Variants in SPTA1 observed in about 807,000 individuals in gnomAD.
SPTA1 encodes the protein spectrin alpha, erythrocytic 1.
In SPTA1, 177 loss-of-function variants were observed where a neutral mutation model predicts 324.7. That is an observed-to-expected ratio of 0.55 (90% confidence interval 0.48 to 0.62). The LOEUF is 0.62. Among genes scored for constraint, SPTA1 ranks in the 20% least tolerant of loss-of-function variants. The probability of loss-of-function intolerance (pLI) is 0.00; values close to 1 mark genes in which losing one functional copy is unlikely to be tolerated. For synonymous variants in SPTA1, 1,195 were observed against 1,041.3 expected, an observed-to-expected ratio of 1.15 and a Z score of -2.84; for missense variants, 3,162 against 2,883.6, an observed-to-expected ratio of 1.10 and a Z score of -2.21.
At chr1:158,618,676 C>T (rs376415314) in intron 45 of SPTA1, among the ~76,000 whole-genome samples, 1 of 152,184 alleles carries the variant, frequency 6.6e-6, no homozygotes, top group South Asian at 2.1e-4. Context: ...ACTTGATTCT[C>T]ATTAGAACTT....
chr1:158,643,528 C>T (rs753515686), intron 30 of SPTA1, 103 bp from the exon 31 acceptor site: 20 of 1,128,744 alleles, frequency 1.8e-5, no homozygotes, highest in Non-Finnish European at 2.4e-5. Flanking sequence ...TTTGTGGATT[C>T]AGAAGATATA....
At position 158,613,821 on chromosome 1, in the gene SPTA1, G is replaced by T. The variant is rs375016862; in HGVS notation, c.6889C>A (p.Arg2297=). 4 of 1,613,838 alleles carry T rather than the reference G, an allele frequency of 2.5e-6. No homozygotes were observed. In the East Asian group the frequency reaches 8.9e-5, roughly 36 times the overall value. ...LTGRLTHKEF[R]SCLRGLNYYL... ...TAATTGAGTCCTCTCAGGCAGGACC[G>T]GAACTCTTTGTGAGTCAGGCGCCCT... The change falls in exon 50 of 52, where the codon CGG becomes AGG. Residue 2297 remains arginine, a synonymous_variant. Transcript: ENST00000643759.
chr1:158,611,171 C>T lies in SPTA1; in HGVS notation c.*93G>A, dbSNP rs929301791. Reference sequence around the variant, plus strand: ...CACACACACACACACACACACGAGGCCATCTTTATCTTCCACATTTGCCTG... The same window carrying T: ...CACACACACACACACACACACGAGGTCATCTTTATCTTCCACATTTGCCTG... On this transcript the variant is annotated 3_prime_UTR_variant, in exon 52 of 52. Coordinates refer to ENST00000643759, the MANE Select transcript of SPTA1 (RefSeq NM_003126.4). The T allele has an allele frequency of 1.8e-6, 2 of 1,126,300 alleles. No individual in the cohort carries two copies. The highest frequency in any genetic ancestry group is 1.3e-6 in the Non-Finnish European group (1 of 783,754). The allele number at this position is 1,126,300 out of a possible 1,614,324, so 69.8% of individuals were successfully genotyped here.
chr1:158,664,030 T>G (rs571410361), intron 16 of SPTA1, among the ~76,000 whole-genome samples: 9 of 136,506 alleles, frequency 6.6e-5, no homozygotes, highest in Non-Finnish European at 9.0e-5. Flanking sequence ...AAGCACATAC[T>G]CACTTCTCCA....
intron 6 of SPTA1, 62 bp from the exon 7 acceptor site, chr1:158,677,896 C>A (rs1654510323): frequency 6.2e-7 from 1 of 1,605,392 alleles, no homozygotes; most frequent in African/African-American, 1.3e-5. Context: ...GCAAACGGTC[C>A]AACAGAACTC....
intron 35 of SPTA1, among the ~76,000 whole-genome samples, chr1:158,638,836 T>G (rs1651307463): frequency 6.6e-6 from 1 of 151,400 alleles, no homozygotes. Flanking sequence ...TAGCCACAGA[T>G]TGATTGATTT....
At chr1:158,616,358 A>G (rs1290403624) in intron 47 of SPTA1, among the ~76,000 whole-genome samples, 1 of 152,032 alleles carries the variant, frequency 6.6e-6, no homozygotes, top group Non-Finnish European at 1.5e-5. Flanking sequence ...TCTTCTATCA[A>G]ACTGTATATT....
chr1:158,620,864 A>G (rs1192025106), intron 43 of SPTA1: 4 of 167,686 alleles, frequency 2.4e-5, no homozygotes, highest in African/African-American at 7.6e-5. Flanking sequence ...AAAAAAAAGC[A>G]TTGAATGAAT....
chr1:158,657,861 G>A (rs1371560256), intron 18 of SPTA1, among the ~76,000 whole-genome samples, 167 bp from the exon 19 acceptor site: 1 of 152,202 alleles, frequency 6.6e-6, no homozygotes, highest in Admixed American at 6.5e-5. Context: ...TCCTAAGTGA[G>A]ATTAAGTAAC....
Position 158,620,238 on chromosome 1 carries a change from T to A in SPTA1, c.6349A>T (p.Ser2117Cys). 6.2e-7 allele frequency: 1 copy of A among 1,614,174 alleles called. No homozygotes were observed. The highest frequency in any genetic ancestry group is 2.2e-5 in the East Asian group (1 of 44,876). The change falls in exon 44 of 52, where the codon AGC (serine) becomes TGC (cysteine). Residue 2117 changes from serine (S) to cysteine (C), a missense_variant. Physicochemically the swap from Ser to Cys is moderately radical, Grantham distance 112 (BLOSUM62 -1). Coordinates refer to ENST00000643759, the MANE Select transcript of SPTA1 (RefSeq NM_003126.4). The part of the protein sequence containing the change: ...QQIKALGVPS[S>C]PYTWLTVEVL... ...TCCACTGTTAACCAGGTATAAGGGC[T>A]GGAAGGCACACCTAAGGCCTTAATC...
intron 39 of SPTA1, among the ~76,000 whole-genome samples, chr1:158,632,961 T>C (rs1650788692): frequency 6.6e-6 from 1 of 152,196 alleles, no homozygotes; most frequent in Non-Finnish European, 1.5e-5. Context: ...TCGACTGTGA[T>C]ATTCTTATAC....
chr1:158,614,235 CTA>C lies in SPTA1; in HGVS notation c.6842+16_6842+17del, dbSNP rs763083900. The stretch of plus-strand genomic sequence containing the variant: ...ATCTGAAAAACAAAGAAGCAGTTAA[CTA>C]TGAAATTATACTCACTTATAGATTG... On this transcript the variant is annotated intron_variant, in intron 49 of 51. Transcript: ENST00000643759. The C allele has an allele frequency of 1.9e-6, 3 of 1,542,490 alleles. No individual in the cohort carries two copies. The highest frequency in any genetic ancestry group is 2.7e-6 in the Non-Finnish European group (3 of 1,115,738).
At chr1:158,675,348 T>C (rs1370982793) in intron 8 of SPTA1, among the ~76,000 whole-genome samples, 2 of 152,170 alleles carry the variant, frequency 1.3e-5, no homozygotes, top group African/African-American at 4.8e-5. Context: ...CAGTTCCTTA[T>C]CTAGAGTCAG....
chr1:158,639,344 T>TTTCCCAGG, intron 35 of SPTA1: 1 of 556,070 alleles, frequency 1.8e-6, no homozygotes, highest in Admixed American at 3.1e-5. Context: ...AAAAAGATAG[T>TTTCCCAGG]TTCCCAGGTC....
intron 49 of SPTA1, 124 bp from the exon 50 acceptor site, chr1:158,613,991 G>C (rs954134420): frequency 1.8e-6 from 2 of 1,117,300 alleles, no homozygotes; most frequent in African/African-American, 3.1e-5. Context: ...ACTATCAGAG[G>C]ACTGAATACA....
intron 16 of SPTA1, 46 bp from the exon 17 acceptor site, chr1:158,662,991 AG>A (rs1557973023): frequency 6.2e-7 from 1 of 1,611,404 alleles, no homozygotes; most frequent in Non-Finnish European, 8.5e-7. Flanking sequence ...ATCATTTAGT[AG>A]GAAGTAATAG....
At chr1:158,634,866 G>C (rs1650950656) in intron 38 of SPTA1, among the ~76,000 whole-genome samples, 191 bp from the exon 39 acceptor site, 1 of 152,118 alleles carries the variant, frequency 6.6e-6, no homozygotes, top group Non-Finnish European at 1.5e-5. Flanking sequence ...AAATGGAGGA[G>C]ACGCCTGCTC....
intron 35 of SPTA1, among the ~76,000 whole-genome samples, 189 bp from the exon 36 acceptor site, chr1:158,638,430 G>A (rs1321668093): frequency 6.6e-6 from 1 of 152,164 alleles, no homozygotes; most frequent in Non-Finnish European, 1.5e-5. Flanking sequence ...GGGAGCGATA[G>A]AGGTAGCATG....
At chr1:158,652,325 A>T in intron 23 of SPTA1, 142 bp downstream of exon 23, 1 of 912,494 alleles carries the variant, frequency 1.1e-6, no homozygotes, top group Non-Finnish European at 1.7e-6. Flanking sequence ...CAATACCTAG[A>T]GGGAGATCTC....
Sources: gnomAD v4.1 joint callset for allele counts (sites outside exome capture counted in the v4.1 genomes callset) on GRCh38, gnomAD v4.1.1 for gene constraint, MANE v1.5 for transcripts, NCBI Gene and HGNC (gene_info 2026-07-23, HGNC 2026-07-21) for gene names.